Variants in NHS observed in about 807,000 individuals in gnomAD.
NHS encodes actin remodeling regulator NHS.
Under a neutral mutation model 72.5 loss-of-function variants are expected in NHS, and 5 were observed. The observed-to-expected ratio is 0.07, with a 90% CI of 0.04 to 0.14. NHS has a LOEUF of 0.14. NHS is among the 10% of genes least tolerant of loss of function. The pLI is 1.00. For synonymous variants in NHS, 464 were observed against 547.7 expected, an observed-to-expected ratio of 0.85 and a Z score of 2.13; for missense variants, 1,072 against 1,355.7, an observed-to-expected ratio of 0.79 and a Z score of 3.29.
intron 1 of NHS, among the ~76,000 whole-genome samples, chrX:17,678,933 G>T (rs1601831666): frequency 8.9e-6 from 1 of 111,800 alleles, no homozygotes; most frequent in East Asian, 2.8e-4. Context: ...CTCAATACAA[G>T]TGAGTGGGTT....
intron 1 of NHS, among the ~76,000 whole-genome samples, chrX:17,620,369 G>A: frequency 8.9e-6 from 1 of 111,749 alleles, no homozygotes; most frequent in Non-Finnish European, 1.9e-5. Context: ...AGAAGTTAGA[G>A]CCAGATCATC....
chrX:17,393,438 G>A (rs372431415), intron 1 of NHS, among the ~76,000 whole-genome samples: 37 of 112,469 alleles, frequency 3.3e-4, no homozygotes, highest in African/African-American at 1.1e-3. Context: ...GAGCATAGTT[G>A]TGGGGCCTTT....
At chrX:17,622,030 G>T (rs1279954157) in intron 1 of NHS, among the ~76,000 whole-genome samples, 2 of 112,016 alleles carry the variant, frequency 1.8e-5, no homozygotes, top group South Asian at 3.7e-4. Context: ...GCTTTTGTTT[G>T]TGTGTGCAAG....
rs766969027 is a variant in NHS at position 17,593,861 on chromosome X, G to A, written c.566-93881G>A. On this transcript the variant is annotated intron_variant, in intron 1 of 8. Transcript: ENST00000676302. ...GATGAGTAGATGGACAGATGGATGGGAAAGTAGGTGGATGGATGGATGGAT... is the reference window on the plus strand; with the variant it reads ...GATGAGTAGATGGACAGATGGATGGAAAAGTAGGTGGATGGATGGATGGAT... 2.7e-5 allele frequency among the ~76,000 whole-genome samples: 3 copies of A among 112,061 alleles called. No individual in the cohort carries two copies. The South Asian group carries it at 1.1e-3, about 42-fold the overall frequency.
chrX:17,540,023 T>C (rs1456275571), intron 1 of NHS, among the ~76,000 whole-genome samples: 1 of 112,273 alleles, frequency 8.9e-6, no homozygotes, highest in Middle Eastern at 4.2e-3. Context: ...AAAGCAAACC[T>C]TTAATATTGG....
chrX:17,606,355 G>T (rs768229512), intron 1 of NHS, among the ~76,000 whole-genome samples: 3 of 111,983 alleles, frequency 2.7e-5, no homozygotes, highest in African/African-American at 9.7e-5. Context: ...TTGCTGAACT[G>T]AAGGAGGCCC....
At position 17,489,439 on chromosome X, in the gene NHS, C is replaced by T. The variant is rs753626275; in HGVS notation, c.565+113117C>T. On this transcript the variant is annotated intron_variant, in intron 1 of 8. Transcript: ENST00000676302. ...TAAAAGTGTTCCTATTTCTCCACAT[C>T]GTCTCCAGCACCTGTTGTTTCCTGA... Among the ~76,000 whole-genome samples, 4 of 112,241 alleles carry T rather than the reference C, an allele frequency of 3.6e-5. No homozygotes were observed. In the South Asian group the frequency reaches 1.1e-3, roughly 31 times the overall value.
chrX:17,584,649 A>G (rs754616784), intron 1 of NHS, among the ~76,000 whole-genome samples: 2 of 112,130 alleles, frequency 1.8e-5, no homozygotes, highest in Non-Finnish European at 3.8e-5. Context: ...GAAAATGAGT[A>G]ATGCTGGGAA....
intron 3 of NHS, among the ~76,000 whole-genome samples, chrX:17,697,521 CA>C (rs1379170717): frequency 8.9e-6 from 1 of 111,896 alleles, no homozygotes; most frequent in East Asian, 2.8e-4. Flanking sequence ...CAATTTTCAA[CA>C]TACAGGAACT....
intron 1 of NHS, among the ~76,000 whole-genome samples, chrX:17,669,380 G>A (rs1325351260): frequency 2.7e-5 from 3 of 112,232 alleles, no homozygotes; most frequent in Admixed American, 1.9e-4. Flanking sequence ...TTGCAGGAAC[G>A]AACGTAAGCA....
chrX:17,596,263 A>G (rs2065623884), intron 1 of NHS, among the ~76,000 whole-genome samples: 1 of 111,921 alleles, frequency 8.9e-6, no homozygotes, highest in Non-Finnish European at 1.9e-5. Context: ...ATGTGCTTGT[A>G]ATTGTTCTTC....
At chrX:17,483,708 G>A (rs911338536) in intron 1 of NHS, among the ~76,000 whole-genome samples, 1 of 110,838 alleles carries the variant, frequency 9.0e-6, no homozygotes, top group Non-Finnish European at 1.9e-5. Context: ...AGTGGAGCTT[G>A]CTGTCCAGGC....
chrX:17,699,701 T>G (rs1012684490), intron 3 of NHS, among the ~76,000 whole-genome samples: 1 of 111,696 alleles, frequency 9.0e-6, no homozygotes, highest in Non-Finnish European at 1.9e-5. Flanking sequence ...TAGTTAAAAA[T>G]CATTTAATGG....
At chrX:17,437,818 A>G (rs914374618) in intron 1 of NHS, among the ~76,000 whole-genome samples, 4 of 111,373 alleles carry the variant, frequency 3.6e-5, no homozygotes, top group African/African-American at 1.3e-4. Context: ...TGTCCAACAA[A>G]TGTTCCCTAT....
chrX:17,563,539 G>A (rs1231963801), intron 1 of NHS, among the ~76,000 whole-genome samples: 5 of 112,524 alleles, frequency 4.4e-5, no homozygotes, highest in Non-Finnish European at 9.4e-5. Flanking sequence ...TGAAGCTGGT[G>A]GGGAGAGTGC....
At position 17,410,280 on chromosome X, in the gene NHS, T is replaced by G. The variant is rs567170371; in HGVS notation, c.565+33958T>G. ...TTCTGAAAATGATACCACCCTCATG[T>G]TAGCAACAGTATCGCTGTCTGGAAA... On this transcript the variant is annotated intron_variant, in intron 1 of 8. Coordinates refer to ENST00000676302, the MANE Select transcript of NHS (RefSeq NM_001291867.2). Among the ~76,000 whole-genome samples the G allele has an allele frequency of 4.5e-5, 5 of 111,121 alleles. No homozygotes were observed. In the South Asian group the frequency reaches 1.2e-3, roughly 26 times the overall value.
At chrX:17,482,422 C>T (rs757713329) in intron 1 of NHS, among the ~76,000 whole-genome samples, 7 of 112,536 alleles carry the variant, frequency 6.2e-5, no homozygotes, top group African/African-American at 2.3e-4. Context: ...TTGTTTACTT[C>T]CTAAACATTT....
intron 1 of NHS, among the ~76,000 whole-genome samples, chrX:17,566,697 T>G (rs5909384): frequency 0.31 from 33,779 of 110,545 alleles, 3,867 homozygotes; most frequent in East Asian, 0.72. Context: ...TTGTTTTTTT[T>G]TTTTTTTATT....
chrX:17,473,469 T>C (rs1601721889), intron 1 of NHS, among the ~76,000 whole-genome samples: 1 of 112,779 alleles, frequency 8.9e-6, no homozygotes, highest in Non-Finnish European at 1.9e-5. Context: ...GTTAGTGCGA[T>C]TGAGGAGCTG....
Sources: allele counts gnomAD v4.1 joint callset (sites outside exome capture counted in the v4.1 genomes callset), GRCh38; gene constraint gnomAD v4.1.1; transcripts MANE v1.5; gene names NCBI Gene and HGNC (gene_info 2026-07-23, HGNC 2026-07-21).